HNF4A: variants seen among roughly 807,000 people sequenced by gnomAD.
HNF4A encodes the protein hepatocyte nuclear factor 4-alpha.
Under a neutral mutation model 52.4 loss-of-function variants are expected in HNF4A, and 15 were observed. That is an observed-to-expected ratio of 0.29 (90% CI 0.19 to 0.44). The LOEUF (loss-of-function observed/expected upper bound fraction) is 0.44. Ranked by LOEUF, HNF4A falls within the 20% of genes least tolerant of loss-of-function variation. HNF4A has a pLI of 1.00. For synonymous variants in HNF4A, 280 were observed against 264.4 expected, an observed-to-expected ratio of 1.06 and a Z score of -0.57; for missense variants, 479 against 647.2, an observed-to-expected ratio of 0.74 and a Z score of 2.82.
At chr20:44,424,419 C>A (rs1373863885) in intron 8 of HNF4A, 165 bp downstream of exon 8, 2 of 1,236,970 alleles carry the variant, frequency 1.6e-6, no homozygotes, top group Non-Finnish European at 2.3e-6. Context: ...AAAATGGGAA[C>A]AAGGCAATGG....
downstream of HNF4A, chr20:44,434,144 T>C (rs1251162715): frequency 6.6e-6 from 1 of 152,216 alleles, no homozygotes; most frequent in Admixed American, 6.5e-5. Context: ...ACAAAAGTTC[T>C]GGTCTGGGAA....
At chr20:44,416,429 A>C (rs994773921) in intron 5 of HNF4A, among the ~76,000 whole-genome samples, 3 of 152,256 alleles carry the variant, frequency 2.0e-5, no homozygotes, top group African/African-American at 7.2e-5. Flanking sequence ...TAGCGACAGA[A>C]CTGGGATTCA....
intron 1 of HNF4A, among the ~76,000 whole-genome samples, chr20:44,365,273 A>G (rs1037816626): frequency 5.3e-5 from 8 of 152,096 alleles, no homozygotes; most frequent in African/African-American, 1.9e-4. Context: ...AGCTCAAGCA[A>G]TCCTTCCATC....
Position 44,390,614 on chromosome 20 carries a change from C to T in HNF4A, c.50-15444C>T, listed in dbSNP as rs529465378. On this transcript the variant is annotated intron_variant, in intron 1 of 9. Transcript: ENST00000316673. ...AAGGATGAAGAGGTTGTGCACTGTG[C>T]GGGACCCCATAGCAGCAGGAGGAGG... 17 of 702,410 alleles carry T rather than the reference C, an allele frequency of 2.4e-5. No individual in the cohort carries two copies. In the East Asian group the frequency reaches 3.0e-4, roughly 12 times the overall value. 43.5% of individuals were successfully genotyped at this position (702,410 alleles called of 1,614,324 possible).
chr20:44,367,289 C>T (rs1231219969), intron 1 of HNF4A, among the ~76,000 whole-genome samples: 106 of 148,694 alleles, frequency 7.1e-4, no homozygotes, highest in African/African-American at 2.5e-3. Context: ...GAGCCGAGAT[C>T]GCGCCATTGC....
chr20:44,390,798 C>T (rs1042740208), intron 1 of HNF4A: 3 of 628,344 alleles, frequency 4.8e-6, no homozygotes, highest in Non-Finnish European at 2.9e-6. Flanking sequence ...CCCTCATCCC[C>T]TAACCCAGGA....
intron 1 of HNF4A, among the ~76,000 whole-genome samples, chr20:44,372,285 T>G (rs944294586): frequency 1.3e-5 from 2 of 152,240 alleles, no homozygotes; most frequent in Non-Finnish European, 2.9e-5. Context: ...TCAGATTCTA[T>G]AGCAGTGTAC....
intron 7 of HNF4A, among the ~76,000 whole-genome samples, chr20:44,423,167 T>G (rs1349159158): frequency 6.6e-6 from 1 of 151,868 alleles, no homozygotes; most frequent in Non-Finnish European, 1.5e-5. Context: ...AATACAAAAA[T>G]TAGCTGGGTG....
In HNF4A at chr20:44,402,288, G is replaced by A. The variant is rs571157766; in HGVS notation, c.115+801G>A. ...TGTCTGTGGATGTTTGTACATGTGT[G>A]CTGTGTGTGCGGGTCATAGAGCACA... On this transcript the variant is annotated intron_variant, in intron 1 of 9. Transcript: ENST00000316099. 2.4e-3 allele frequency among the ~76,000 whole-genome samples: 362 copies of A among 152,256 alleles called. 3 individuals carry two copies. The highest frequency in any genetic ancestry group is 8.3e-3 in the African/African-American group (344 of 41,556).
chr20:44,383,471 C>T (rs1329870123), intron 1 of HNF4A, among the ~76,000 whole-genome samples: 1 of 152,050 alleles, frequency 6.6e-6, no homozygotes, highest in Non-Finnish European at 1.5e-5. Context: ...AGCCTCAATA[C>T]TGTGCTGCCT....
intron 1 of HNF4A, among the ~76,000 whole-genome samples, chr20:44,380,415 C>T (rs1045917357): frequency 7.9e-5 from 12 of 152,208 alleles, no homozygotes; most frequent in Admixed American, 4.6e-4. Flanking sequence ...CCACCTCGGC[C>T]TCCCAAGTAA....
At chr20:44,387,559 A>C (rs1600673113) in intron 1 of HNF4A, among the ~76,000 whole-genome samples, 1 of 150,556 alleles carries the variant, frequency 6.6e-6, no homozygotes, top group Non-Finnish European at 1.5e-5. Context: ...ATCTGAGCCA[A>C]TGTACATTTG....
intron 3 of HNF4A, among the ~76,000 whole-genome samples, chr20:44,412,499 T>G (rs2063599547): frequency 2.7e-5 from 4 of 149,688 alleles, no homozygotes; most frequent in Admixed American, 1.3e-4. Flanking sequence ...GCGGACAGAG[T>G]GTGTAGGGGG....
chr20:44,403,473 C>T (rs2063438705), intron 1 of HNF4A, among the ~76,000 whole-genome samples: 1 of 152,238 alleles, frequency 6.6e-6, no homozygotes, highest in Non-Finnish European at 1.5e-5. Context: ...CTCTGAGCAT[C>T]TGTAAGCAGG....
intron 1 of HNF4A, among the ~76,000 whole-genome samples, chr20:44,385,033 A>G (rs1358706364): frequency 8.4e-6 from 1 of 118,644 alleles, no homozygotes; most frequent in Non-Finnish European, 1.7e-5. Flanking sequence ...GATATTTCCT[A>G]AGTGGTTTCA....
chr20:44,383,508 C>T (rs1179064424), intron 1 of HNF4A, among the ~76,000 whole-genome samples: 1 of 151,160 alleles, frequency 6.6e-6, no homozygotes, highest in Non-Finnish European at 1.5e-5. Flanking sequence ...TCTTAGACAG[C>T]TTTGGGGATC....
chr20:44,371,404 A>G (rs2063032504), intron 1 of HNF4A, among the ~76,000 whole-genome samples: 1 of 152,178 alleles, frequency 6.6e-6, no homozygotes, highest in African/African-American at 2.4e-5. Flanking sequence ...CAGCCTCTGG[A>G]GTAGCTGGGA....
chr20:44,380,632 A>G (rs759201979), intron 1 of HNF4A, among the ~76,000 whole-genome samples: 33 of 152,128 alleles, frequency 2.2e-4, no homozygotes, highest in Non-Finnish European at 4.1e-4. Context: ...GTTGTTATTG[A>G]GTTGTAAGAG....
chr20:44,385,522 G>T (rs1339118446), intron 1 of HNF4A, among the ~76,000 whole-genome samples: 3 of 152,120 alleles, frequency 2.0e-5, no homozygotes. Flanking sequence ...AGGCTGGAGT[G>T]TAGTGGCCTG....
Sources: allele counts gnomAD v4.1 joint callset (sites outside exome capture counted in the v4.1 genomes callset), GRCh38; gene constraint gnomAD v4.1.1; transcripts MANE v1.5; gene names NCBI Gene and HGNC (gene_info 2026-07-23, HGNC 2026-07-21).